WWOX: variants seen among roughly 807,000 people sequenced by gnomAD.
The protein encoded by WWOX is WW domain-containing oxidoreductase.
WWOX carries 69 observed loss-of-function variants against 46.2 expected under a neutral mutation model. The observed-to-expected ratio is 1.49, with a 90% CI of 1.23 to 1.82. The LOEUF (loss-of-function observed/expected upper bound fraction) is 1.82. WWOX is among the 40% of genes most tolerant of loss of function. The pLI is 0.00. For synonymous variants in WWOX, 359 were observed against 202.6 expected, an observed-to-expected ratio of 1.77 and a Z score of -6.56; for missense variants, 919 against 542.6, an observed-to-expected ratio of 1.69 and a Z score of -6.89.
chr16:78,131,385 T>C lies in WWOX; in HGVS notation c.409+16231T>C, dbSNP rs533198819. Among the ~76,000 whole-genome samples the C allele has an allele frequency of 2.0e-5, 3 of 152,110 alleles. No individual in the cohort carries two copies. In the South Asian group the frequency reaches 6.2e-4, roughly 32 times the overall value. The stretch of plus-strand genomic sequence containing the variant: ...CACCACCATTCCTGGCTAATTTCTT[T>C]TGTATTTTTAATAGAGATGAGGTCT... On this transcript the variant is annotated intron_variant, in intron 4 of 8. Coordinates refer to ENST00000566780, the MANE Select transcript of WWOX (RefSeq NM_016373.4).
intron 8 of WWOX, among the ~76,000 whole-genome samples, chr16:79,043,166 G>A (rs868520431): frequency 6.6e-6 from 1 of 152,060 alleles, no homozygotes; most frequent in South Asian, 2.1e-4. Context: ...GAAGAGAGAT[G>A]TAGCTTTGAA....
At position 78,574,585 on chromosome 16, in the gene WWOX, A is replaced by C. The variant is rs113453363; in HGVS notation, c.1056+141833A>C. On this transcript the variant is annotated intron_variant, in intron 8 of 8. Coordinates refer to ENST00000566780, the MANE Select transcript of WWOX (RefSeq NM_016373.4). The stretch of plus-strand genomic sequence containing the variant: ...TACTACCTGTGTTGTCACAAATGGC[A>C]AGATTTCATCCTTTTTATGGCTGAA... 1.4e-3 allele frequency among the ~76,000 whole-genome samples: 215 copies of C among 152,284 alleles called. 1 individual carries two copies. The highest frequency in any genetic ancestry group is 5.0e-3 in the African/African-American group (208 of 41,566).
chr16:78,497,840 CCGGAG>C (rs2084953672), intron 8 of WWOX, among the ~76,000 whole-genome samples: 2 of 137,850 alleles, frequency 1.5e-5, no homozygotes, highest in African/African-American at 5.1e-5. Context: ...AGATTATACA[CCGGAG>C]TTACTGAGAA....
chr16:78,153,950 C>T (rs1313725240), intron 4 of WWOX, among the ~76,000 whole-genome samples: 1 of 152,042 alleles, frequency 6.6e-6, no homozygotes, highest in Non-Finnish European at 1.5e-5. Context: ...ACAGGGTTCC[C>T]ACCTTCATGT....
At chr16:79,202,932 T>C (rs1567614579) in intron 8 of WWOX, 1 of 152,194 alleles carries the variant, frequency 6.6e-6, no homozygotes, top group Non-Finnish European at 1.5e-5. Context: ...ATGCAAACTT[T>C]AAAAAAGACA....
intron 8 of WWOX, among the ~76,000 whole-genome samples, chr16:78,530,229 G>A (rs1030070324): frequency 1.3e-5 from 2 of 152,170 alleles, no homozygotes; most frequent in Admixed American, 6.5e-5. Flanking sequence ...TGCTCTTTTA[G>A]TTTTGCCATC....
chr16:78,934,508 CAAA>C lies in WWOX; in HGVS notation c.1057-277079_1057-277077del, dbSNP rs760272326. On this transcript the variant is annotated intron_variant, in intron 8 of 8. Coordinates refer to ENST00000566780, the MANE Select transcript of WWOX (RefSeq NM_016373.4). Reference sequence around the variant, plus strand: ...TGGGCAACAGTGCGAAACCCTGTATCAAAAAAAAAAAAAAAAAAAAAAAGAAAC... The same window carrying C: ...TGGGCAACAGTGCGAAACCCTGTATCAAAAAAAAAAAAAAAAAAAAGAAAC... 8.9e-3 allele frequency among the ~76,000 whole-genome samples: 657 copies of C among 73,892 alleles called. 6 individuals are homozygous for C. Among genetic ancestry groups the C allele is most frequent in the African/African-American group, 0.032 (634 of 19,648 alleles). 48.5% of individuals were successfully genotyped at this position (73,892 alleles called of 152,430 possible).
At chr16:78,567,134 C>T (rs1289308525) in intron 8 of WWOX, among the ~76,000 whole-genome samples, 1 of 152,218 alleles carries the variant, frequency 6.6e-6, no homozygotes, top group African/African-American at 2.4e-5. Context: ...GTAAAGATCA[C>T]AAGCCCAACC....
In WWOX at chr16:78,367,904, G is replaced by A. The variant is rs150766185; in HGVS notation, c.517-18956G>A. ...CCTGAGTAGCTGTGATTACAGGTGCGTGACACCACACCCCGCTAATTTTTG... is the reference window on the plus strand; with the variant it reads ...CCTGAGTAGCTGTGATTACAGGTGCATGACACCACACCCCGCTAATTTTTG... On this transcript the variant is annotated intron_variant, in intron 5 of 8. Coordinates refer to ENST00000566780, the MANE Select transcript of WWOX (RefSeq NM_016373.4). Among the ~76,000 whole-genome samples the A allele has an allele frequency of 2.0e-4, 30 of 152,126 alleles. 1 individual carries two copies. In the South Asian group the frequency reaches 5.0e-3, roughly 25 times the overall value.
At chr16:79,195,582 A>T (rs1001306927) in intron 8 of WWOX, among the ~76,000 whole-genome samples, 4 of 152,168 alleles carry the variant, frequency 2.6e-5, no homozygotes, top group African/African-American at 7.2e-5. Context: ...GCTTGCTCTG[A>T]AGCCATGCCT....
intron 8 of WWOX, among the ~76,000 whole-genome samples, chr16:79,106,199 G>C (rs541586599): frequency 1.4e-4 from 21 of 152,198 alleles, no homozygotes; most frequent in Non-Finnish European, 2.8e-4. Context: ...CCTTCCAAGA[G>C]ACTTCAGTGC....
intron 8 of WWOX, chr16:79,196,323 A>C (rs1294179017): frequency 6.6e-6 from 1 of 152,178 alleles, no homozygotes; most frequent in Non-Finnish European, 1.5e-5. Flanking sequence ...CCAAGTTGAA[A>C]AATGCTTAAA....
intron 8 of WWOX, among the ~76,000 whole-genome samples, chr16:78,545,331 C>G (rs775760346): frequency 1.3e-5 from 2 of 152,100 alleles, no homozygotes; most frequent in Non-Finnish European, 2.9e-5. Context: ...CGATTGTGGC[C>G]TGCTCCTCGT....
intron 8 of WWOX, among the ~76,000 whole-genome samples, chr16:78,830,403 A>T (rs1327791831): frequency 6.6e-6 from 1 of 151,934 alleles, no homozygotes; most frequent in Non-Finnish European, 1.5e-5. Flanking sequence ...GGTTTTTCTC[A>T]CTGGTTTCTA....
At chr16:78,757,974 C>A (rs1277902426) in intron 8 of WWOX, among the ~76,000 whole-genome samples, 1 of 152,074 alleles carries the variant, frequency 6.6e-6, no homozygotes, top group African/African-American at 2.4e-5. Flanking sequence ...GATTCCACAA[C>A]ACTGACCTTC....
chr16:78,488,517 T>C (rs1465830282), intron 8 of WWOX, among the ~76,000 whole-genome samples: 1 of 152,202 alleles, frequency 6.6e-6, no homozygotes, highest in Non-Finnish European at 1.5e-5. Flanking sequence ...GGATTTACCA[T>C]TGTGGCATCT....
In WWOX at chr16:78,437,597, C is replaced by T. The variant is rs1021758624; in HGVS notation, c.1056+4845C>T. Among the ~76,000 whole-genome samples, 3 of 152,306 alleles carry T rather than the reference C, an allele frequency of 2.0e-5. No homozygotes were observed. In the South Asian group the frequency reaches 6.2e-4, roughly 32 times the overall value. On this transcript the variant is annotated intron_variant, in intron 8 of 8. Transcript: ENST00000566780. ...CCTCTTCTTCTTCAGATCCAGAGAA[C>T]TGGACAAGTGTATTGGGGCGTCCTG...
chr16:78,764,069 C>G (rs982869461), intron 8 of WWOX, among the ~76,000 whole-genome samples: 4 of 152,106 alleles, frequency 2.6e-5, no homozygotes, highest in African/African-American at 9.7e-5. Context: ...TCAGAGAGAT[C>G]CAGAAGGGTT....
At chr16:78,450,955 G>A (rs1012503446) in intron 8 of WWOX, among the ~76,000 whole-genome samples, 1 of 152,192 alleles carries the variant, frequency 6.6e-6, no homozygotes, top group Non-Finnish European at 1.5e-5. Flanking sequence ...CACTGGGAAG[G>A]AGCTGGCATA....
Sources: allele counts gnomAD v4.1 joint callset (sites outside exome capture counted in the v4.1 genomes callset), GRCh38; gene constraint gnomAD v4.1.1; transcripts MANE v1.5; gene names NCBI Gene and HGNC (gene_info 2026-07-23, HGNC 2026-07-21).